The following CDH13 variants were observed in gnomAD, a reference collection of about 807,000 sequenced individuals.
CDH13 encodes cadherin 13.
In CDH13, 24 loss-of-function variants were observed where a neutral mutation model predicts 63.8. The observed-to-expected ratio is 0.38, with a 90% CI of 0.27 to 0.53. The LOEUF (loss-of-function observed/expected upper bound fraction) is 0.53. Among genes scored for constraint, CDH13 ranks in the 20% least tolerant of loss-of-function variants. CDH13 has a pLI of 0.85. For missense variants in CDH13, 1,049 were observed against 903.1 expected (o/e 1.16, Z -2.07); for synonymous variants, 503 against 355.3 (o/e 1.42, Z -4.67).
At chr16:83,683,463 A>G (rs972516390) in intron 10 of CDH13, among the ~76,000 whole-genome samples, 2 of 152,168 alleles carry the variant, frequency 1.3e-5, no homozygotes, top group Non-Finnish European at 2.9e-5. Context: ...TTCATTACCA[A>G]AATTGGCTTG....
At chr16:83,792,081 G>A (rs991957450) in intron 13 of CDH13, among the ~76,000 whole-genome samples, 4 of 152,148 alleles carry the variant, frequency 2.6e-5, no homozygotes, top group Admixed American at 6.5e-5. Flanking sequence ...GTCTTAAAGT[G>A]TACCAGTATT....
chr16:83,427,741 G>C (rs920321214), intron 6 of CDH13, among the ~76,000 whole-genome samples: 7 of 152,112 alleles, frequency 4.6e-5, no homozygotes, highest in Non-Finnish European at 8.8e-5. Context: ...CTTATGGTCT[G>C]CTGTCCTGTT....
At chr16:83,775,051 G>A (rs565798462) in intron 11 of CDH13, among the ~76,000 whole-genome samples, 174 of 151,954 alleles carry the variant, frequency 1.1e-3, no homozygotes, top group African/African-American at 3.9e-3. Context: ...TGCTTTCATG[G>A]TTAAAATGAG....
chr16:83,444,888 G>A (rs569056203), intron 6 of CDH13, among the ~76,000 whole-genome samples: 5 of 42,338 alleles, frequency 1.2e-4, no homozygotes, highest in Non-Finnish European at 2.4e-4. Flanking sequence ...GATGAAGGGG[G>A]AGTTCACGGA....
At chr16:83,173,260 C>G (rs578046450) in intron 4 of CDH13, among the ~76,000 whole-genome samples, 1 of 152,102 alleles carries the variant, frequency 6.6e-6, no homozygotes, top group East Asian at 1.9e-4. Context: ...GCAGTCTGAC[C>G]CTGGGGGTGA....
chr16:83,644,257 G>A (rs972952963), intron 8 of CDH13, among the ~76,000 whole-genome samples: 41 of 152,124 alleles, frequency 2.7e-4, no homozygotes, highest in African/African-American at 8.2e-4. Flanking sequence ...CCAATATAAC[G>A]GATTTCCCTT....
chr16:83,655,895 C>A (rs1214619383), intron 8 of CDH13, among the ~76,000 whole-genome samples: 1 of 152,082 alleles, frequency 6.6e-6, no homozygotes, highest in Admixed American at 6.5e-5. Context: ...AGTCAAACAC[C>A]CCTGTAGGAG....
At chr16:83,037,023 G>C (rs1431309449) in intron 3 of CDH13, among the ~76,000 whole-genome samples, 1 of 152,188 alleles carries the variant, frequency 6.6e-6, no homozygotes, top group African/African-American at 2.4e-5. Flanking sequence ...TATGACAGGA[G>C]CTATGGAGCC....
intron 3 of CDH13, among the ~76,000 whole-genome samples, chr16:83,045,627 A>T (rs1917707407): frequency 8.3e-6 from 1 of 120,316 alleles, no homozygotes; most frequent in Non-Finnish European, 1.7e-5. Context: ...ACAGATCAAG[A>T]TTCCTTTAAA....
chr16:83,623,367 C>G (rs1409594420), intron 8 of CDH13, among the ~76,000 whole-genome samples: 1 of 152,170 alleles, frequency 6.6e-6, no homozygotes, highest in African/African-American at 2.4e-5. Context: ...CTCCCTGGAT[C>G]TCAGCATCCT....
chr16:83,220,615 AT>A (rs1249469265), intron 5 of CDH13, among the ~76,000 whole-genome samples: 15 of 147,502 alleles, frequency 1.0e-4, no homozygotes, highest in Non-Finnish European at 1.5e-5. Context: ...ATAATAAAAA[AT>A]AATAAATAAA....
At chr16:83,757,546 C>G (rs1040344788) in intron 11 of CDH13, among the ~76,000 whole-genome samples, 1 of 152,012 alleles carries the variant, frequency 6.6e-6, no homozygotes, top group Non-Finnish European at 1.5e-5. Context: ...CCACTGCATC[C>G]CAGCCTGGGT....
At chr16:83,518,430 C>G (rs1235755637) in intron 7 of CDH13, among the ~76,000 whole-genome samples, 2 of 150,820 alleles carry the variant, frequency 1.3e-5, no homozygotes, top group African/African-American at 2.4e-5. Flanking sequence ...CAGGTGTGAG[C>G]CACCGCGCCC....
At chr16:83,621,553 C>G (rs1443250728) in intron 8 of CDH13, among the ~76,000 whole-genome samples, 1 of 118,266 alleles carries the variant, frequency 8.5e-6, no homozygotes, top group Non-Finnish European at 1.6e-5. Flanking sequence ...GTGGCATGAT[C>G]TCGGCTCACC....
chr16:82,697,852 C>A lies in CDH13; in HGVS notation c.45+70715C>A, dbSNP rs186254361. 1.6e-3 allele frequency among the ~76,000 whole-genome samples: 250 copies of A among 151,930 alleles called. 1 individual carries two copies. The highest frequency in any genetic ancestry group is 3.1e-3 in the Non-Finnish European group (214 of 67,992). On this transcript the variant is annotated intron_variant, in intron 1 of 13. Coordinates refer to ENST00000567109, the MANE Select transcript of CDH13 (RefSeq NM_001257.5). ...TGAATATATAGAATTTATATTTGCA[C>A]TGCTGATAATAGCTTGTAATAAAGC...
At chr16:82,850,740 A>G (rs286671) in intron 1 of CDH13, among the ~76,000 whole-genome samples, 141,843 of 152,236 alleles carry the variant, frequency 0.93, 66,907 homozygotes, top group East Asian at 1. Flanking sequence ...CCCAACCTTC[A>G]CAACCGCCAC....
At chr16:83,522,182 A>G (rs562026964) in intron 7 of CDH13, among the ~76,000 whole-genome samples, 1 of 152,318 alleles carries the variant, frequency 6.6e-6, no homozygotes, top group African/African-American at 2.4e-5. Context: ...TGTCATGTTT[A>G]ATGCCTGCTC....
intron 11 of CDH13, among the ~76,000 whole-genome samples, chr16:83,758,408 A>AT (rs1179328082): frequency 6.6e-6 from 1 of 152,094 alleles, no homozygotes; most frequent in Non-Finnish European, 1.5e-5. Flanking sequence ...TTGATTTCTG[A>AT]TTTTTTTAAA....
chr16:82,999,774 G>C (rs769790506), intron 2 of CDH13, among the ~76,000 whole-genome samples: 1 of 152,144 alleles, frequency 6.6e-6, no homozygotes, highest in Non-Finnish European at 1.5e-5. Flanking sequence ...CATATTTAAC[G>C]TTTCCATATA....
Sources: gnomAD v4.1 joint callset for allele counts (sites outside exome capture counted in the v4.1 genomes callset) on GRCh38, gnomAD v4.1.1 for gene constraint, MANE v1.5 for transcripts, NCBI Gene and HGNC (gene_info 2026-07-23, HGNC 2026-07-21) for gene names.